Variants in RBFOX2 observed in about 807,000 individuals in gnomAD.
RBFOX2 encodes the protein RNA binding fox-1 homolog 2.
In RBFOX2, 10 loss-of-function variants were observed where a neutral mutation model predicts 49.1. The observed-to-expected ratio is 0.20, with a 90% CI of 0.13 to 0.35. The LOEUF (loss-of-function observed/expected upper bound fraction) is 0.35. Ranked by LOEUF, RBFOX2 falls within the 10% of genes least tolerant of loss-of-function variation. The pLI, the probability that RBFOX2 is intolerant of heterozygous loss-of-function variation, is 1.00. For synonymous variants in RBFOX2, 183 were observed against 187.4 expected (o/e 0.98, Z 0.19); for missense variants, 323 against 486.9 (o/e 0.66, Z 3.17).
At chr22:35,754,058 C>T (rs1936051594) in intron 9 of RBFOX2, among the ~76,000 whole-genome samples, 2 of 151,414 alleles carry the variant, frequency 1.3e-5, no homozygotes, top group African/African-American at 2.4e-5. Flanking sequence ...GCTGCGATTA[C>T]ACACGTGAGC....
At chr22:35,860,831 CCACTT>C (rs1247824384) in intron 1 of RBFOX2, among the ~76,000 whole-genome samples, 1 of 152,200 alleles carries the variant, frequency 6.6e-6, no homozygotes, top group Admixed American at 6.5e-5. Flanking sequence ...GTATATCTCT[CCACTT>C]CATTCCACTA....
At chr22:35,764,133 A>C (rs765436858) in intron 6 of RBFOX2, among the ~76,000 whole-genome samples, 2 of 152,230 alleles carry the variant, frequency 1.3e-5, no homozygotes, top group African/African-American at 2.4e-5. Context: ...GAAAAATGCA[A>C]ATTATGCTGA....
rs1187514475 is a variant in RBFOX2, at chr22:35,934,752, T to C, written c.-34+4095A>G. On this transcript the variant is annotated intron_variant, in intron 1 of 13. Transcript: ENST00000359369. ...TTGCTGCTCTTAAGCTCTTCTTATA[T>C]AAAAACCCTAGAGCTGATGCACATA... 3.3e-5 allele frequency among the ~76,000 whole-genome samples: 5 copies of C among 152,106 alleles called. No homozygotes were observed. The East Asian group carries it at 9.6e-4, about 29-fold the overall frequency.
At chr22:35,850,861 A>G (rs2041860795) in intron 1 of RBFOX2, among the ~76,000 whole-genome samples, 1 of 152,218 alleles carries the variant, frequency 6.6e-6, no homozygotes, top group Admixed American at 6.5e-5. Context: ...TTAAAAGACA[A>G]ACCAGTTGTA....
intron 3 of RBFOX2, among the ~76,000 whole-genome samples, chr22:35,779,580 G>T (rs1944673287): frequency 6.6e-6 from 1 of 151,994 alleles, no homozygotes; most frequent in Non-Finnish European, 1.5e-5. Context: ...TTTGTATGGT[G>T]CTTTGGAGTT....
At chr22:35,881,758 A>G (rs1030424854) in intron 1 of RBFOX2, among the ~76,000 whole-genome samples, 1 of 152,054 alleles carries the variant, frequency 6.6e-6, no homozygotes. Context: ...CAGGAGTTCG[A>G]GACCTGCCTG....
At chr22:35,852,468 T>C (rs1310372924) in intron 1 of RBFOX2, among the ~76,000 whole-genome samples, 2 of 147,174 alleles carry the variant, frequency 1.4e-5, no homozygotes, top group East Asian at 2.0e-4. Flanking sequence ...CTGGGCAACA[T>C]AGTGACACCT....
intron 4 of RBFOX2, among the ~76,000 whole-genome samples, chr22:35,776,899 A>C (rs1246556200): frequency 2.0e-5 from 3 of 152,116 alleles, no homozygotes; most frequent in Non-Finnish European, 4.4e-5. Flanking sequence ...TTTTTTCACA[A>C]CACCACTGTA....
At chr22:35,926,157 T>C (rs774973427) in intron 1 of RBFOX2, among the ~76,000 whole-genome samples, 1 of 152,242 alleles carries the variant, frequency 6.6e-6, no homozygotes, top group African/African-American at 2.4e-5. Flanking sequence ...CCAGTGACTG[T>C]CTGTTGAAGA....
At chr22:35,811,658 C>T (rs1450238591) in intron 1 of RBFOX2, among the ~76,000 whole-genome samples, 1 of 152,036 alleles carries the variant, frequency 6.6e-6, no homozygotes, top group Non-Finnish European at 1.5e-5. Context: ...AAATAAATTG[C>T]TTTACATAAA....
At chr22:35,818,738 G>C (rs1263084741) in intron 1 of RBFOX2, among the ~76,000 whole-genome samples, 1 of 152,182 alleles carries the variant, frequency 6.6e-6, no homozygotes, top group African/African-American at 2.4e-5. Context: ...AGTGAGCCTA[G>C]ATCACACCAC....
chr22:35,778,260 C>G (rs142378264), intron 3 of RBFOX2, among the ~76,000 whole-genome samples, 182 bp from the exon 5 acceptor site: 13 of 152,304 alleles, frequency 8.5e-5, no homozygotes, highest in African/African-American at 3.1e-4. Flanking sequence ...ACTGAGCTGA[C>G]AGTTTATCCA....
chr22:35,840,930 T>C (rs1958659238), upstream of RBFOX2, among the ~76,000 whole-genome samples: 1 of 152,174 alleles, frequency 6.6e-6, no homozygotes, highest in African/African-American at 2.4e-5. Flanking sequence ...GACCACTAAC[T>C]GGAAGGTTTT....
At chr22:35,855,884 G>A (rs1293224500) in intron 1 of RBFOX2, among the ~76,000 whole-genome samples, 4 of 152,032 alleles carry the variant, frequency 2.6e-5, no homozygotes, top group Admixed American at 6.5e-5. Flanking sequence ...GCACATGCCT[G>A]TAGTCCCAGG....
rs373247463 is a variant in RBFOX2 at position 35,917,017 on chromosome 22, T to C, written c.-34+21830A>G. Reference sequence around the variant, plus strand: ...ATTAAGGACCATAAAACAACTTCTATAAAGGAATAACACGGCCATCTGACA... The same window carrying C: ...ATTAAGGACCATAAAACAACTTCTACAAAGGAATAACACGGCCATCTGACA... On this transcript the variant is annotated intron_variant, in intron 1 of 13. Coordinates refer to the RBFOX2 transcript ENST00000359369. Among the ~76,000 whole-genome samples the C allele has an allele frequency of 8.5e-5, 13 of 152,310 alleles. No individual in the cohort carries two copies. The South Asian group carries it at 2.1e-3, about 24-fold the overall frequency.
At chr22:35,761,630 T>C (rs931354030) in intron 6 of RBFOX2, among the ~76,000 whole-genome samples, 162 bp from the exon 8 acceptor site, 2 of 151,530 alleles carry the variant, frequency 1.3e-5, no homozygotes, top group Non-Finnish European at 2.9e-5. Context: ...GTAACAGTAG[T>C]AGAACTAGGA....
upstream of RBFOX2, chr22:35,840,613 CGCGTGTGT>C (rs879329536): frequency 1.2e-4 from 135 of 1,108,042 alleles, 1 homozygote; most frequent in Admixed American, 2.2e-4. Flanking sequence ...GCTGTGCGCA[CGCGTGTGT>C]GCGTGTGTGC....
chr22:36,010,628 A>C (rs1002179515), intron 1 of RBFOX2, among the ~76,000 whole-genome samples: 3 of 152,064 alleles, frequency 2.0e-5, no homozygotes, highest in African/African-American at 7.2e-5. Flanking sequence ...ATTTTATTTC[A>C]TATCTTTAAA....
intron 1 of RBFOX2, among the ~76,000 whole-genome samples, chr22:35,852,051 G>C (rs1297504304): frequency 7.0e-6 from 1 of 142,452 alleles, no homozygotes; most frequent in Non-Finnish European, 1.5e-5. Flanking sequence ...CAAAATATTT[G>C]TGAAAAGCAA....
Sources: gnomAD v4.1 joint callset for allele counts (sites outside exome capture counted in the v4.1 genomes callset) on GRCh38, gnomAD v4.1.1 for gene constraint, MANE v1.5 for transcripts, NCBI Gene and HGNC (gene_info 2026-07-23, HGNC 2026-07-21) for gene names.